ADAMTS16: variants seen among roughly 807,000 people sequenced by gnomAD.
ADAMTS16 encodes A disintegrin and metalloproteinase with thrombospondin motifs 16.
Under a neutral mutation model 145.8 loss-of-function variants are expected in ADAMTS16, and 94 were observed. The ratio of observed to expected loss-of-function variants is 0.64; its 90% CI spans 0.55 to 0.77. The LOEUF (loss-of-function observed/expected upper bound fraction) is 0.77, where lower values mean the gene tolerates loss of function less well. Among genes scored for constraint, ADAMTS16 ranks in the 30% least tolerant of loss-of-function variants. The pLI is 0.00. For synonymous variants in ADAMTS16, 659 were observed against 604.3 expected (o/e 1.09, Z -1.33); for missense variants, 1,585 against 1,591.5 (o/e 1.00, Z 0.07).
At position 5,175,282 on chromosome 5, in the gene ADAMTS16, G is replaced by A. The variant is rs1364198647; in HGVS notation, c.502-6762G>A. Among the ~76,000 whole-genome samples the A allele has an allele frequency of 3.3e-5, 5 of 152,186 alleles. No individual in the cohort carries two copies. In the South Asian group the frequency reaches 1.0e-3, roughly 32 times the overall value. On this transcript the variant is annotated intron_variant, in intron 3 of 22. Transcript: ENST00000274181. ...GCAGCTGGTTCCCTTCAAGCCTAGT[G>A]TGTGTCTAGAAATGTCATCTGGGAG...
intron 3 of ADAMTS16, among the ~76,000 whole-genome samples, chr5:5,153,849 T>C (rs1734534218): frequency 2.0e-5 from 3 of 152,226 alleles, no homozygotes; most frequent in African/African-American, 7.2e-5. Flanking sequence ...AGGATAGGTA[T>C]CATTTTTCCT....
intron 11 of ADAMTS16, among the ~76,000 whole-genome samples, chr5:5,227,075 A>G (rs1736786953): frequency 6.6e-6 from 1 of 152,244 alleles, no homozygotes; most frequent in Non-Finnish European, 1.5e-5. Context: ...CCTCCCTCTG[A>G]ACTCATTCTG....
intron 3 of ADAMTS16, among the ~76,000 whole-genome samples, chr5:5,149,085 C>T (rs763030977): frequency 3.9e-5 from 6 of 152,182 alleles, no homozygotes; most frequent in Admixed American, 1.3e-4. Context: ...GTAACACTAC[C>T]TATAAATGTT....
At chr5:5,247,563 CT>C (rs1349369292) in intron 17 of ADAMTS16, among the ~76,000 whole-genome samples, 1 of 152,122 alleles carries the variant, frequency 6.6e-6, no homozygotes, top group Non-Finnish European at 1.5e-5. Flanking sequence ...TTCCCAGAGT[CT>C]GTGCAGTTCC....
intron 4 of ADAMTS16, 57 bp from the exon 5 acceptor site, chr5:5,185,995 G>A (rs1462006498): frequency 1.4e-6 from 2 of 1,470,308 alleles, no homozygotes; most frequent in African/African-American, 1.4e-5. Flanking sequence ...ACGAGTTACG[G>A]CCCTGATTTT....
rs920532496 is a variant in ADAMTS16, at chr5:5,319,290, T to G, written c.*152T>G. 41 of 636,228 alleles carry G rather than the reference T, an allele frequency of 6.4e-5. No homozygotes were observed. The African/African-American group carries it at 6.7e-4, about 10-fold the overall frequency. The allele number at this position is 636,228 out of a possible 1,614,324, so 39.4% of individuals were successfully genotyped here. A position where few individuals can be genotyped will look rare whatever the true frequency, so the allele number is the denominator to read the frequency against. ...GGCTCTTTGACCAGGAGTGTATGTATGTGTTTCACTGTGAGCCTGGGTGCA... is the reference window on the plus strand; with the variant it reads ...GGCTCTTTGACCAGGAGTGTATGTAGGTGTTTCACTGTGAGCCTGGGTGCA... On this transcript the variant is annotated 3_prime_UTR_variant, in exon 23 of 23. Coordinates refer to ENST00000274181, the MANE Select transcript of ADAMTS16 (RefSeq NM_139056.4).
Position 5,222,650 on chromosome 5 carries a change from A to G in ADAMTS16, c.1606-139A>G, listed in dbSNP as rs559770678. On this transcript the variant is annotated intron_variant, in intron 10 of 22. Coordinates refer to ENST00000274181, the MANE Select transcript of ADAMTS16 (RefSeq NM_139056.4). ...GTCTCCTTACACCTTACTCTATTAT[A>G]TGCTATCATATTGCTAAGTAGGCAT... 225 of 663,040 alleles carry G rather than the reference A, an allele frequency of 3.4e-4. No homozygotes were observed. The African/African-American group carries it at 3.7e-3, about 11-fold the overall frequency. The allele number at this position is 663,040 out of a possible 1,614,324, so 41.1% of individuals were successfully genotyped here.
intron 18 of ADAMTS16, 73 bp downstream of exon 18, chr5:5,262,856 A>T: frequency 6.3e-7 from 1 of 1,579,070 alleles, no homozygotes; most frequent in Non-Finnish European, 8.6e-7. Flanking sequence ...GCAGCTCCTG[A>T]TTTCGAGAGA....
intron 3 of ADAMTS16, among the ~76,000 whole-genome samples, chr5:5,172,873 T>C (rs1478587700): frequency 1.3e-5 from 2 of 152,232 alleles, no homozygotes; most frequent in African/African-American, 2.4e-5. Context: ...TTAGCTCTGA[T>C]AACAATTTGC....
chr5:5,284,579 G>A (rs1387352961), intron 18 of ADAMTS16, among the ~76,000 whole-genome samples: 1 of 152,104 alleles, frequency 6.6e-6, no homozygotes, highest in Non-Finnish European at 1.5e-5. Flanking sequence ...ATTGCTCCTG[G>A]ATTTCCTGGC....
At chr5:5,201,559 T>A (rs901959303) in intron 9 of ADAMTS16, among the ~76,000 whole-genome samples, 1 of 151,976 alleles carries the variant, frequency 6.6e-6, no homozygotes, top group African/African-American at 2.4e-5. Context: ...AAGTAACAGC[T>A]TTAATGAGCT....
At chr5:5,193,587 C>T (rs905890608) in intron 8 of ADAMTS16, among the ~76,000 whole-genome samples, 3 of 152,126 alleles carry the variant, frequency 2.0e-5, no homozygotes, top group Non-Finnish European at 2.9e-5. Flanking sequence ...CAGTGCCAGC[C>T]GTTGCAGGTG....
At chr5:5,168,548 T>C (rs1281211967) in intron 3 of ADAMTS16, among the ~76,000 whole-genome samples, 1 of 139,624 alleles carries the variant, frequency 7.2e-6, no homozygotes, top group Non-Finnish European at 1.5e-5. Flanking sequence ...CCATTTTTAT[T>C]ATATTTTTAT....
At chr5:5,298,978 A>T (rs1481036210) in intron 18 of ADAMTS16, among the ~76,000 whole-genome samples, 1 of 152,100 alleles carries the variant, frequency 6.6e-6, no homozygotes, top group African/African-American at 2.4e-5. Context: ...TCTGATGCTG[A>T]AGAGGCACCG....
rs745580870 is a variant in ADAMTS16 at position 5,242,085 on chromosome 5, C to T, written c.2556C>T (p.Ala852=). ...TTCAGGGAAGGAACCCGGGTGTTGC[C>T]TGGGAATACTCCATGCCTCGCTTGG... ...LLFQGRNPGV[A]WEYSMPRLGT... is the part of the protein sequence containing the mutation. The change falls in exon 17 of 23, where the codon GCC becomes GCT. Residue 852 remains alanine, a synonymous_variant. Transcript: ENST00000274181. The T allele has an allele frequency of 9.3e-6, 15 of 1,614,022 alleles. No individual in the cohort carries two copies. The highest frequency in any genetic ancestry group is 2.2e-5 in the East Asian group (1 of 44,884).
intron 18 of ADAMTS16, among the ~76,000 whole-genome samples, chr5:5,270,108 A>G (rs1738407430): frequency 6.6e-6 from 1 of 152,180 alleles, no homozygotes; most frequent in South Asian, 2.1e-4. Flanking sequence ...CTGTGAACCC[A>G]ATGCCATGCT....
At chr5:5,300,982 T>A (rs186454233) in intron 18 of ADAMTS16, among the ~76,000 whole-genome samples, 97 of 152,328 alleles carry the variant, frequency 6.4e-4, no homozygotes, top group Non-Finnish European at 7.5e-4. Flanking sequence ...ATTGTGGAAT[T>A]AGAGACACTC....
At chr5:5,234,887 AAG>A in intron 12 of ADAMTS16, 125 bp from the exon 13 acceptor site, 2 of 550,142 alleles carry the variant, frequency 3.6e-6, no homozygotes, top group Non-Finnish European at 2.7e-6. Flanking sequence ...AAAAAAAAAA[AAG>A]AATCCACTTT....
At chr5:5,290,485 T>G (rs906579679) in intron 18 of ADAMTS16, among the ~76,000 whole-genome samples, 2 of 152,106 alleles carry the variant, frequency 1.3e-5, no homozygotes, top group Admixed American at 1.3e-4. Flanking sequence ...TAAAACCCTG[T>G]CTCTACTAAA....
Sources: gnomAD v4.1 joint callset for allele counts (sites outside exome capture counted in the v4.1 genomes callset) on GRCh38, gnomAD v4.1.1 for gene constraint, MANE v1.5 for transcripts, NCBI Gene and HGNC (gene_info 2026-07-23, HGNC 2026-07-21) for gene names.